ARHGAP5: variants seen among roughly 807,000 people sequenced by gnomAD.
ARHGAP5 encodes the protein Rho GTPase activating protein 5, also known as rho GTPase-activating protein 5.
In ARHGAP5, 23 loss-of-function variants were observed where a neutral mutation model predicts 116.6. The observed-to-expected ratio is 0.20, with a 90% CI of 0.14 to 0.28. The LOEUF is 0.28. Ranked by LOEUF, ARHGAP5 falls within the 10% of genes least tolerant of loss-of-function variation. The pLI, the probability that ARHGAP5 is intolerant of heterozygous loss-of-function variation, is 1.00. For synonymous variants in ARHGAP5, 574 were observed against 602.0 expected (o/e 0.95, Z 0.68); for missense variants, 1,405 against 1,774.8 (o/e 0.79, Z 3.74).
At chr14:32,111,635 G>A (rs538478311) in intron 2 of ARHGAP5, among the ~76,000 whole-genome samples, 1 of 151,996 alleles carries the variant, frequency 6.6e-6, no homozygotes, top group Admixed American at 6.6e-5. Context: ...TTTTAAATGA[G>A]GGCAAAACCC....
chr14:32,153,156 T>C (rs1362731547), intron 6 of ARHGAP5, among the ~76,000 whole-genome samples: 4 of 150,984 alleles, frequency 2.6e-5, no homozygotes, highest in African/African-American at 9.7e-5. Flanking sequence ...TACTTTTTAC[T>C]AGCAATGTGG....
chr14:32,149,640 C>T (rs543150365), intron 4 of ARHGAP5, among the ~76,000 whole-genome samples: 3 of 151,914 alleles, frequency 2.0e-5, no homozygotes, highest in East Asian at 3.9e-4. Context: ...GGCGTGGTGA[C>T]GGTCGCCTGT....
intron 2 of ARHGAP5, among the ~76,000 whole-genome samples, chr14:32,115,663 CAAA>C (rs60051497): frequency 1.3e-4 from 5 of 39,950 alleles, no homozygotes; most frequent in African/African-American, 2.8e-4. Flanking sequence ...GACTCCGTCT[CAAA>C]AAAAAAAAAA....
chr14:32,117,308 C>T, intron 3 of ARHGAP5, 21 bp downstream of exon 3: 1 of 1,546,246 alleles, frequency 6.5e-7, no homozygotes, highest in South Asian at 1.2e-5. Context: ...AGAATCATTG[C>T]AAGAGATTTG....
In ARHGAP5 at chr14:32,092,235, G is replaced by C. The variant is rs1486547333; in HGVS notation, c.1566G>C (p.Leu522=). 10 of 1,613,318 alleles carry C rather than the reference G, an allele frequency of 6.2e-6. No homozygotes were observed. Among genetic ancestry groups the C allele is most frequent in the Non-Finnish European group, 8.5e-6 (10 of 1,179,630 alleles). Residue 522 remains leucine, a synonymous_variant, in exon 2 of 7, where the codon CTG becomes CTC. Transcript: ENST00000345122. This position sits in a 1 kb window ranked among gnomAD's most constrained non-coding sequence, Gnocchi z 4.1. ...AAATGAGTGAAATTCATACAGTTCTGAGTGAAGAACCTAGATATAAAGCTT... is the reference window on the plus strand; with the variant it reads ...AAATGAGTGAAATTCATACAGTTCTCAGTGAAGAACCTAGATATAAAGCTT... The part of the protein sequence containing the change: ...SDKMSEIHTV[L]SEEPRYKALQ...
chr14:32,141,571 C>T (rs1264169246), intron 3 of ARHGAP5, among the ~76,000 whole-genome samples: 2 of 152,162 alleles, frequency 1.3e-5, no homozygotes, highest in Admixed American at 1.3e-4. Context: ...GCTTGCCTAT[C>T]TAGCTGCCAT....
chr14:32,092,539 G>A lies in ARHGAP5; in HGVS notation c.1870G>A (p.Ala624Thr). 1.2e-6 allele frequency: 2 copies of A among 1,613,702 alleles called. No individual in the cohort carries two copies. The highest frequency in any genetic ancestry group is 8.5e-7 in the Non-Finnish European group (1 of 1,179,838). Residue 624 changes from alanine (A) to threonine (T), a missense_variant, in exon 2 of 7, where the codon GCC becomes ACC. By Grantham distance (58) the Ala-to-Thr change is moderately conservative. Coordinates refer to ENST00000345122, the MANE Select transcript of ARHGAP5 (RefSeq NM_001030055.2). This position sits in a 1 kb window ranked among gnomAD's most constrained non-coding sequence, Gnocchi z 4.1. ...GACACAATCCACTGATGATGAGTAT[G>A]CCTTAGATGGAAAAATTTATGAACT... ...IRTQSTDDEYALDGKIYELDL... is the reference protein window; with the variant it reads ...IRTQSTDDEYTLDGKIYELDL...
intron 2 of ARHGAP5, among the ~76,000 whole-genome samples, chr14:32,109,350 T>C (rs1879174544): frequency 6.6e-6 from 1 of 152,134 alleles, no homozygotes; most frequent in Non-Finnish European, 1.5e-5. Context: ...TTTTTATCTT[T>C]GAATATATTG....
Position 32,090,946 on chromosome 14 carries a change from A to G in ARHGAP5, c.277A>G (p.Ile93Val). 2 of 1,613,732 alleles carry G rather than the reference A, an allele frequency of 1.2e-6. No individual in the cohort carries two copies. Among genetic ancestry groups the G allele is most frequent in the Non-Finnish European group, 1.7e-6 (2 of 1,179,678 alleles). Residue 93 changes from isoleucine (I) to valine (V), a missense_variant, in exon 2 of 7, where the codon ATT becomes GTT. By Grantham distance (29) the Ile-to-Val change is conservative (BLOSUM62 3). Around this residue, in one of 6 missense-constraint regions of ARHGAP5, gnomAD observed 190 missense variants for 314.9 expected, o/e 0.60. Coordinates refer to ENST00000345122, the MANE Select transcript of ARHGAP5 (RefSeq NM_001030055.2). ...TGGAGTAGAATGCAAAATTCATGTC[A>G]TTGAACAAACAGAGTTCATTGATGA... The part of the protein sequence containing the change: ...EDGVECKIHV[I>V]EQTEFIDDQT...
chr14:32,128,066 G>A (rs1225208226), intron 3 of ARHGAP5, among the ~76,000 whole-genome samples: 1 of 149,076 alleles, frequency 6.7e-6, no homozygotes, highest in Non-Finnish European at 1.5e-5. Context: ...GGGCAGAGGC[G>A]CTCCTCACAT....
chr14:32,151,930 T>A (rs917476279), intron 5 of ARHGAP5, among the ~76,000 whole-genome samples: 13 of 152,344 alleles, frequency 8.5e-5, no homozygotes, highest in Admixed American at 7.8e-4. Context: ...AAGTGATTTC[T>A]TAATTTACAT....
At chr14:32,136,386 A>T (rs998187003) in intron 3 of ARHGAP5, among the ~76,000 whole-genome samples, 1 of 152,182 alleles carries the variant, frequency 6.6e-6, no homozygotes, top group Non-Finnish European at 1.5e-5. Context: ...CCTTTTGTGT[A>T]TGGCTCTTTC....
At chr14:32,153,892 A>G (rs1881771244) in intron 6 of ARHGAP5, 1 of 152,114 alleles carries the variant, frequency 6.6e-6, no homozygotes, top group African/African-American at 2.4e-5. Context: ...ATTCTCAAAA[A>G]AAAAAAGGAA....
At chr14:32,140,475 A>G (rs761301049) in intron 3 of ARHGAP5, among the ~76,000 whole-genome samples, 5 of 151,888 alleles carry the variant, frequency 3.3e-5, no homozygotes, top group Non-Finnish European at 7.4e-5. Context: ...CTGTAGTCCT[A>G]ACTACTCTGG....
chr14:32,089,940 G>T (rs1173657088), intron 1 of ARHGAP5, among the ~76,000 whole-genome samples: 8 of 151,526 alleles, frequency 5.3e-5, no homozygotes, highest in African/African-American at 1.5e-4. Flanking sequence ...TCTTAATTTT[G>T]GGGGGGTATA....
At chr14:32,101,824 A>T (rs750967166) in intron 2 of ARHGAP5, among the ~76,000 whole-genome samples, 16 of 152,144 alleles carry the variant, frequency 1.1e-4, no homozygotes, top group Non-Finnish European at 2.2e-4. Flanking sequence ...CTCTACTGAA[A>T]ATATAAAAAT....
At chr14:32,096,634 A>G (rs976711131) in intron 2 of ARHGAP5, among the ~76,000 whole-genome samples, 5 of 152,236 alleles carry the variant, frequency 3.3e-5, no homozygotes, top group Admixed American at 3.3e-4. Context: ...TGCTTCAAAT[A>G]ATCCTGTAAA....
intron 3 of ARHGAP5, among the ~76,000 whole-genome samples, chr14:32,122,276 GA>G (rs1879926562): frequency 6.6e-6 from 1 of 152,102 alleles, no homozygotes. Context: ...TAATGATGCC[GA>G]ACATCTTTTT....
chr14:32,129,838 T>C (rs1432736551), intron 3 of ARHGAP5, among the ~76,000 whole-genome samples: 1 of 152,204 alleles, frequency 6.6e-6, no homozygotes, highest in East Asian at 1.9e-4. Flanking sequence ...CTCTGGTTAC[T>C]CTGTGTTTGA....
Sources: allele counts gnomAD v4.1 joint callset (sites outside exome capture counted in the v4.1 genomes callset), GRCh38; gene constraint gnomAD v4.1.1; regional missense constraint gnomAD v4.1.1; non-coding constraint Gnocchi (gnomAD v3.1); transcripts MANE v1.5; gene names NCBI Gene and HGNC (gene_info 2026-07-23, HGNC 2026-07-21).